Variants in RPS29 observed in about 807,000 individuals in gnomAD.
RPS29 encodes ribosomal protein S29, also known as small ribosomal subunit protein uS14.
For missense variants in RPS29, 60 were observed against 75.7 expected (o/e 0.79, Z 0.77); for synonymous variants, 37 against 26.9 (o/e 1.37, Z -1.16).
chr14:49,593,844 T>C (rs528184946), intron 1 of RPS29, among the ~76,000 whole-genome samples: 37 of 152,176 alleles, frequency 2.4e-4, no homozygotes, highest in Admixed American at 6.5e-4. Flanking sequence ...ACATATAACC[T>C]GGATTCCAAA....
At chr14:49,584,929 T>TCA (rs34004438) in intron 2 of RPS29, among the ~76,000 whole-genome samples, 104,435 of 149,430 alleles carry the variant, frequency 0.7, 37,112 homozygotes, top group Non-Finnish European at 0.76. Flanking sequence ...GCCAAAAGTT[T>TCA]CACAGTCAAA....
chr14:49,572,708 A>C (rs1292933280), exon 3 of RPS29: 1 of 152,240 alleles, frequency 6.6e-6, no homozygotes, highest in African/African-American at 2.4e-5. Context: ...AAGAAGCTAT[A>C]GTACTCAGAA....
At chr14:49,593,716 A>AAAAAAG (rs11373559) in intron 1 of RPS29, among the ~76,000 whole-genome samples, 3 of 148,610 alleles carry the variant, frequency 2.0e-5, no homozygotes, top group African/African-American at 7.5e-5. Flanking sequence ...AAAAAAAAAA[A>AAAAAAG]GACGTTTTAA....
At chr14:49,571,399 T>C (rs1881052185) in exon 3 of RPS29, 2 of 152,214 alleles carry the variant, frequency 1.3e-5, no homozygotes, top group South Asian at 4.1e-4. Context: ...TTGTCTCTGG[T>C]TCCTAGGAGG....
At chr14:49,589,079 G>A (rs1464857013), upstream of RPS29, among the ~76,000 whole-genome samples, 2 of 151,784 alleles carry the variant, frequency 1.3e-5, no homozygotes, top group Non-Finnish European at 2.9e-5. Flanking sequence ...ATTTTTAGTA[G>A]AGACAGGGTT....
At chr14:49,586,681 A>C (rs1382352153), upstream of RPS29, 1 of 301,934 alleles carries the variant, frequency 3.3e-6, no homozygotes, top group Admixed American at 4.2e-5. Flanking sequence ...CGCTATGCCG[A>C]TCGGGTGTCC....
chr14:49,579,706 T>C (rs1305820994), downstream of RPS29, among the ~76,000 whole-genome samples: 2 of 152,238 alleles, frequency 1.3e-5, no homozygotes, highest in African/African-American at 4.8e-5. Flanking sequence ...GGCATCTTGC[T>C]ATGTGCTTGG....
At chr14:49,594,013 G>A (rs192036986) in intron 1 of RPS29, among the ~76,000 whole-genome samples, 24 of 152,324 alleles carry the variant, frequency 1.6e-4, no homozygotes, top group African/African-American at 5.5e-4. Context: ...TGGTCAAATA[G>A]TGTACCTTTA....
chr14:49,596,850 C>T (rs965419290), intron 1 of RPS29, among the ~76,000 whole-genome samples: 2 of 149,872 alleles, frequency 1.3e-5, no homozygotes, highest in Non-Finnish European at 3.0e-5. Context: ...CGCTCACTAC[C>T]TCTGCCTCCT....
At chr14:49,584,706 G>A (rs1483388251) in intron 2 of RPS29, among the ~76,000 whole-genome samples, 2 of 151,748 alleles carry the variant, frequency 1.3e-5, no homozygotes, top group African/African-American at 2.4e-5. Flanking sequence ...GGAGGCTAGT[G>A]AGCTGAGATC....
downstream of RPS29, among the ~76,000 whole-genome samples, chr14:49,579,942 T>G (rs1338221644): frequency 6.6e-6 from 1 of 152,212 alleles, no homozygotes; most frequent in Non-Finnish European, 1.5e-5. Flanking sequence ...CTTGGCTATG[T>G]AATGATGATA....
chr14:49,588,130 A>C (rs1157056511), upstream of RPS29, among the ~76,000 whole-genome samples: 1 of 152,228 alleles, frequency 6.6e-6, no homozygotes, highest in African/African-American at 2.4e-5. Context: ...GGCCTCTTCT[A>C]GTTGGTCTCC....
At chr14:49,576,718 T>C (rs904628032) in exon 3 of RPS29, 2 of 152,100 alleles carry the variant, frequency 1.3e-5, no homozygotes, top group African/African-American at 2.4e-5. Flanking sequence ...CGGTGGGAGA[T>C]AACTGAATCA....
chr14:49,588,922 C>T (rs1178513687), upstream of RPS29, among the ~76,000 whole-genome samples: 3 of 123,226 alleles, frequency 2.4e-5, no homozygotes, highest in Admixed American at 9.7e-5. Flanking sequence ...TCTGGAGTCT[C>T]GCTCTGTGAC....
At chr14:49,585,740 T>A in intron 2 of RPS29, 1 of 561,326 alleles carries the variant, frequency 1.8e-6, no homozygotes, top group Non-Finnish European at 3.2e-6. Flanking sequence ...TAGGAAAGAC[T>A]AAGTCCTTCA....
upstream of RPS29, among the ~76,000 whole-genome samples, chr14:49,591,166 A>AATAC (rs763033907): frequency 6.6e-6 from 1 of 152,228 alleles, no homozygotes; most frequent in African/African-American, 2.4e-5. Flanking sequence ...AAAGGAAAAA[A>AATAC]ATACATACAT....
In RPS29 at chr14:49,591,975, A is replaced by G. The variant is rs183337442; in HGVS notation, c.-132-5497T>C. ...AGATTCAATTTGATTTTCTGATGAG[A>G]CAGAGCGTATTTTCCTATGTTTATA... On this transcript the variant is annotated intron_variant, in intron 1 of 3. Coordinates refer to the RPS29 transcript ENST00000556230. Among the ~76,000 whole-genome samples, 9 of 152,246 alleles carry G rather than the reference A, an allele frequency of 5.9e-5. No homozygotes were observed. The East Asian group carries it at 1.7e-3, about 29-fold the overall frequency.
chr14:49,577,819 C>T lies in RPS29; in HGVS notation c.197G>A (p.Trp66Ter), dbSNP rs139735871. 1.2e-6 allele frequency: 2 copies of T among 1,603,374 alleles called. No homozygotes were observed. The highest frequency in any genetic ancestry group is 2.7e-5 in the African/African-American group (2 of 74,706). Residue 66 changes from tryptophan to a stop codon, truncating the protein, a stop_gained, in exon 3 of 3, where the codon TGG becomes TAG. Coordinates refer to the RPS29 transcript ENST00000396020. LOFTEE classifies it high-confidence loss of function. ...TGATGGAGGAGATGGGTGTCACCTCCATAGGCAGTGCCAAGGAAGACAGCT... is the reference window on the plus strand; with the variant it reads ...TGATGGAGGAGATGGGTGTCACCTCTATAGGCAGTGCCAAGGAAGACAGCT...
chr14:49,584,046 A>AGAT (rs1252522197), intron 2 of RPS29, among the ~76,000 whole-genome samples: 1 of 152,176 alleles, frequency 6.6e-6, no homozygotes, highest in Non-Finnish European at 1.5e-5. Context: ...CAATGGAGCC[A>AGAT]TCTCCACTCA....
Sources: gnomAD v4.1 joint callset for allele counts (sites outside exome capture counted in the v4.1 genomes callset) on GRCh38, gnomAD v4.1.1 for gene constraint, MANE v1.5 for transcripts, NCBI Gene and HGNC (gene_info 2026-07-23, HGNC 2026-07-21) for gene names.